Variants in NEURL1 observed in about 807,000 individuals in gnomAD.
NEURL1 encodes the protein E3 ubiquitin-protein ligase NEURL1.
Under a neutral mutation model 41.2 loss-of-function variants are expected in NEURL1, and 26 were observed. That is an observed-to-expected ratio of 0.63 (90% CI 0.46 to 0.87). The LOEUF is 0.87. NEURL1 is among the 40% of genes least tolerant of loss of function. The pLI, the probability that NEURL1 is intolerant of heterozygous loss-of-function variation, is 0.00. For synonymous variants in NEURL1, 400 were observed against 402.3 expected (o/e 0.99, Z 0.07); for missense variants, 761 against 871.1 (o/e 0.87, Z 1.59).
intron 1 of NEURL1, among the ~76,000 whole-genome samples, chr10:103,505,063 T>TTTA (rs1459643363): frequency 6.6e-6 from 1 of 151,548 alleles, no homozygotes; most frequent in African/African-American, 2.4e-5. Context: ...TTTTTTTTTT[T>TTTA]TTAAAGAAAC....
At chr10:103,538,013 C>G (rs7069733) in intron 1 of NEURL1, among the ~76,000 whole-genome samples, 37,027 of 152,040 alleles carry the variant, frequency 0.24, 5,612 homozygotes, top group African/African-American at 0.42. Context: ...AGTATGGTCT[C>G]TTTTTTTCTC....
At chr10:103,537,070 A>G (rs1175748647) in intron 1 of NEURL1, among the ~76,000 whole-genome samples, 1 of 152,332 alleles carries the variant, frequency 6.6e-6, no homozygotes. Context: ...CTCAAAATTC[A>G]TTCTTGTTTT....
chr10:103,510,093 C>A (rs2034035701), intron 1 of NEURL1, among the ~76,000 whole-genome samples: 1 of 152,138 alleles, frequency 6.6e-6, no homozygotes, highest in African/African-American at 2.4e-5. Context: ...TTCCTGGGGC[C>A]ATCAGCAGAT....
chr10:103,516,001 G>A (rs1231703368), intron 1 of NEURL1, among the ~76,000 whole-genome samples: 1 of 152,144 alleles, frequency 6.6e-6, no homozygotes, highest in African/African-American at 2.4e-5. Context: ...GCCAAGGCAG[G>A]TGGATCACTT....
At chr10:103,560,264 G>A (rs189338833) in intron 1 of NEURL1, among the ~76,000 whole-genome samples, 47 of 152,356 alleles carry the variant, frequency 3.1e-4, no homozygotes, top group Non-Finnish European at 6.3e-4. Context: ...GGCCTGGGGG[G>A]CTGGAAGGAC....
At chr10:103,516,248 A>C (rs1192804365) in intron 1 of NEURL1, among the ~76,000 whole-genome samples, 1 of 148,384 alleles carries the variant, frequency 6.7e-6, no homozygotes, top group Non-Finnish European at 1.5e-5. Flanking sequence ...AAAAAAAGAA[A>C]AGAAAAAAAT....
chr10:103,542,848 G>A (rs1391335259), intron 1 of NEURL1, among the ~76,000 whole-genome samples: 1 of 152,140 alleles, frequency 6.6e-6, no homozygotes, highest in African/African-American at 2.4e-5. Context: ...ACACCCGGGG[G>A]CTGGCTGCTT....
intron 1 of NEURL1, among the ~76,000 whole-genome samples, chr10:103,559,555 A>G (rs930501245): frequency 2.7e-5 from 4 of 148,994 alleles, no homozygotes; most frequent in African/African-American, 1.0e-4. Context: ...AAGGAAGGGA[A>G]GGCGGAGCAG....
At chr10:103,576,318 G>C (rs11191733) in intron 3 of NEURL1, among the ~76,000 whole-genome samples, 27,683 of 152,186 alleles carry the variant, frequency 0.18, 2,715 homozygotes, top group South Asian at 0.26. Context: ...TCAGACAGGG[G>C]GGTGTCCACA....
intron 1 of NEURL1, among the ~76,000 whole-genome samples, chr10:103,535,497 C>T (rs1242794436): frequency 2.6e-5 from 4 of 152,158 alleles, no homozygotes; most frequent in African/African-American, 7.2e-5. Flanking sequence ...ACATGACTGT[C>T]CTCGGCAGCC....
chr10:103,559,930 T>C (rs1012674993), intron 1 of NEURL1, among the ~76,000 whole-genome samples: 2 of 151,076 alleles, frequency 1.3e-5, no homozygotes, highest in African/African-American at 4.9e-5. Flanking sequence ...CACACACATA[T>C]TACACACATG....
In NEURL1 at chr10:103,558,015, A is replaced by C. The variant is rs1227698765; in HGVS notation, c.86-12857A>C. Reference sequence around the variant, plus strand: ...TGCCTCAGCCTCCCGAGTAGCTGGGATCACAGGCACCCACCACCATGCCCG... The same window carrying C: ...TGCCTCAGCCTCCCGAGTAGCTGGGCTCACAGGCACCCACCACCATGCCCG... On this transcript the variant is annotated intron_variant, in intron 1 of 5. Transcript: ENST00000369780. This position sits in a 1 kb window ranked among gnomAD's most constrained non-coding sequence, Gnocchi z 4.2. 5.8e-6 allele frequency: 1 copy of C among 171,478 alleles called. No homozygotes were observed. The highest frequency in any genetic ancestry group is 1.2e-5 in the Non-Finnish European group (1 of 85,840). 10.6% of individuals were successfully genotyped at this position (171,478 alleles called of 1,614,324 possible).
In NEURL1 at chr10:103,494,295, C is replaced by G. The variant is rs1404806237; in HGVS notation, c.-93C>G. The G allele has an allele frequency of 3.8e-6, 4 of 1,059,128 alleles. No homozygotes were observed. The highest frequency in any genetic ancestry group is 4.0e-6 in the Non-Finnish European group (3 of 748,130). 65.6% of individuals were successfully genotyped at this position (1,059,128 alleles called of 1,614,324 possible). ...CCAGCAGGGCCCTCCCCCGGTGGCGCGCACCCGCGCGCGCACACTCGCACA... is the reference window on the plus strand; with the variant it reads ...CCAGCAGGGCCCTCCCCCGGTGGCGGGCACCCGCGCGCGCACACTCGCACA... On this transcript the variant is annotated 5_prime_UTR_variant, in exon 1 of 6. Transcript: ENST00000369780.
At chr10:103,532,390 GTGA>G (rs2034590949) in intron 1 of NEURL1, among the ~76,000 whole-genome samples, 1 of 152,116 alleles carries the variant, frequency 6.6e-6, no homozygotes, top group South Asian at 2.1e-4. Flanking sequence ...TTTCATGATA[GTGA>G]TGATTGTCTT....
intron 3 of NEURL1, among the ~76,000 whole-genome samples, chr10:103,574,663 T>A (rs947509559): frequency 6.6e-6 from 1 of 152,054 alleles, no homozygotes; most frequent in Non-Finnish European, 1.5e-5. Flanking sequence ...GGGAATGAAG[T>A]GGAACACGAC....
intron 1 of NEURL1, among the ~76,000 whole-genome samples, chr10:103,512,404 CA>C (rs1198543335): frequency 6.6e-6 from 1 of 152,206 alleles, no homozygotes; most frequent in Non-Finnish European, 1.5e-5. Flanking sequence ...CCACAGGACT[CA>C]AAAGCTGTGG....
chr10:103,568,075 C>T (rs1254250815), intron 1 of NEURL1, among the ~76,000 whole-genome samples: 1 of 152,140 alleles, frequency 6.6e-6, no homozygotes, highest in African/African-American at 2.4e-5. Context: ...GGATTACTTT[C>T]GCATGCTCAC....
chr10:103,510,493 C>A (rs561004874), intron 1 of NEURL1, among the ~76,000 whole-genome samples: 1 of 152,314 alleles, frequency 6.6e-6, no homozygotes, highest in East Asian at 1.9e-4. Flanking sequence ...TGGGGCTTGG[C>A]ATGTGGCTCT....
intron 1 of NEURL1, among the ~76,000 whole-genome samples, chr10:103,553,503 G>A (rs1351329148): frequency 6.6e-6 from 1 of 151,778 alleles, no homozygotes; most frequent in African/African-American, 2.4e-5. Flanking sequence ...TCTCCCGGAA[G>A]TCGTGGGCAT....
Sources: allele counts gnomAD v4.1 joint callset (sites outside exome capture counted in the v4.1 genomes callset), GRCh38; gene constraint gnomAD v4.1.1; non-coding constraint Gnocchi (gnomAD v3.1); transcripts MANE v1.5; gene names NCBI Gene and HGNC (gene_info 2026-07-23, HGNC 2026-07-21).